The following ROR2 variants were observed in gnomAD, a reference collection of about 807,000 sequenced individuals.
The protein encoded by ROR2 is tyrosine-protein kinase transmembrane receptor ROR2.
ROR2 carries 33 observed loss-of-function variants against 74.9 expected under a neutral mutation model. The observed-to-expected ratio is 0.44, with a 90% confidence interval of 0.33 to 0.59. The LOEUF (loss-of-function observed/expected upper bound fraction) is 0.59, where lower values mean the gene tolerates loss of function less well. ROR2 is among the 20% of genes least tolerant of loss of function. ROR2 has a pLI of 0.02. For synonymous variants in ROR2, 586 were observed against 558.7 expected, an observed-to-expected ratio of 1.05 and a Z score of -0.69; for missense variants, 1,216 against 1,313.8, an observed-to-expected ratio of 0.93 and a Z score of 1.15.
At chr9:91,914,076 G>C (rs1227791591) in intron 1 of ROR2, among the ~76,000 whole-genome samples, 1 of 152,012 alleles carries the variant, frequency 6.6e-6, no homozygotes, top group Non-Finnish European at 1.5e-5. Flanking sequence ...ATCTCATGCT[G>C]TTATTCCCCA....
intron 1 of ROR2, among the ~76,000 whole-genome samples, chr9:91,879,671 C>G (rs1830052344): frequency 6.6e-6 from 1 of 152,064 alleles, no homozygotes; most frequent in South Asian, 2.1e-4. Flanking sequence ...TCTCTTCCTT[C>G]TATATATTAA....
intron 1 of ROR2, among the ~76,000 whole-genome samples, chr9:91,852,825 C>T (rs1046946389): frequency 5.3e-5 from 8 of 152,236 alleles, no homozygotes; most frequent in African/African-American, 1.9e-4. Context: ...CTTCTGAAGA[C>T]TTCTTTCTCC....
At chr9:91,895,301 A>G (rs1357203915) in intron 1 of ROR2, among the ~76,000 whole-genome samples, 4 of 152,222 alleles carry the variant, frequency 2.6e-5, no homozygotes, top group African/African-American at 7.2e-5. Flanking sequence ...GCATTGAAAA[A>G]TATCTGTATG....
At chr9:91,750,395 T>A (rs1351950675) in intron 4 of ROR2, among the ~76,000 whole-genome samples, 1 of 152,234 alleles carries the variant, frequency 6.6e-6, no homozygotes, top group Non-Finnish European at 1.5e-5. Flanking sequence ...ACACATCTTG[T>A]TTTATGTACA....
intron 1 of ROR2, among the ~76,000 whole-genome samples, chr9:91,786,835 A>G (rs1826819757): frequency 6.6e-6 from 1 of 152,202 alleles, no homozygotes; most frequent in Non-Finnish European, 1.5e-5. Context: ...CTATAACTGC[A>G]GTCAACATGA....
intron 1 of ROR2, among the ~76,000 whole-genome samples, chr9:91,789,091 A>C: frequency 6.6e-6 from 1 of 152,144 alleles, no homozygotes; most frequent in East Asian, 1.9e-4. Context: ...TAGCTAGAAG[A>C]GAAGTTTTTT....
At chr9:91,823,513 C>T (rs1277786510) in intron 1 of ROR2, among the ~76,000 whole-genome samples, 2 of 151,476 alleles carry the variant, frequency 1.3e-5, no homozygotes, top group Non-Finnish European at 2.9e-5. Flanking sequence ...TTTTCAAACT[C>T]CTGACCTCAT....
chr9:91,916,493 G>A (rs940499015), intron 1 of ROR2, among the ~76,000 whole-genome samples: 4 of 152,104 alleles, frequency 2.6e-5, no homozygotes, highest in Non-Finnish European at 4.4e-5. Context: ...TTTACCCACA[G>A]AACTCCCTCT....
At chr9:91,817,789 G>A (rs1282973666) in intron 1 of ROR2, among the ~76,000 whole-genome samples, 1 of 152,128 alleles carries the variant, frequency 6.6e-6, no homozygotes, top group Non-Finnish European at 1.5e-5. Context: ...ATTTACTTAG[G>A]GAGTAAAAGC....
intron 1 of ROR2, among the ~76,000 whole-genome samples, chr9:91,856,811 A>G (rs773901053): frequency 6.6e-6 from 1 of 152,228 alleles, no homozygotes; most frequent in African/African-American, 2.4e-5. Flanking sequence ...GCAATTCCCA[A>G]CATGCACTGG....
At chr9:91,730,221 G>A (rs79041539) in intron 7 of ROR2, among the ~76,000 whole-genome samples, 2,877 of 152,256 alleles carry the variant, frequency 0.019, 54 homozygotes, top group Non-Finnish European at 0.025. Flanking sequence ...GGGATTACAG[G>A]TTGTGAGCCA....
At chr9:91,769,507 A>G (rs150229468) in intron 2 of ROR2, among the ~76,000 whole-genome samples, 16 of 152,244 alleles carry the variant, frequency 1.1e-4, no homozygotes, top group Admixed American at 3.3e-4. Context: ...CCTTGGCTAC[A>G]TAACAGCTGA....
chr9:91,814,259 T>C (rs781414974), intron 1 of ROR2, among the ~76,000 whole-genome samples: 7 of 152,178 alleles, frequency 4.6e-5, no homozygotes, highest in Non-Finnish European at 7.4e-5. Flanking sequence ...AAAGAAACCT[T>C]GATCTATTTT....
At chr9:91,946,251 A>G (rs2118096396) in intron 1 of ROR2, among the ~76,000 whole-genome samples, 1 of 152,174 alleles carries the variant, frequency 6.6e-6, no homozygotes, top group Admixed American at 6.5e-5. Flanking sequence ...GAAACCTTAC[A>G]TGCTTGGTAT....
intron 1 of ROR2, among the ~76,000 whole-genome samples, chr9:91,806,772 G>A (rs1256106900): frequency 6.6e-6 from 1 of 152,078 alleles, no homozygotes; most frequent in Admixed American, 6.5e-5. Context: ...TGTATTTTTA[G>A]TAGAGACGGG....
intron 1 of ROR2, among the ~76,000 whole-genome samples, chr9:91,778,265 G>A (rs1826486761): frequency 6.6e-6 from 1 of 152,258 alleles, no homozygotes; most frequent in Non-Finnish European, 1.5e-5. Context: ...ACGTGCTTCT[G>A]CACCTAATGG....
intron 1 of ROR2, among the ~76,000 whole-genome samples, chr9:91,850,877 T>C (rs1213968422): frequency 6.6e-6 from 1 of 152,212 alleles, no homozygotes; most frequent in Non-Finnish European, 1.5e-5. Flanking sequence ...AAGAACGATT[T>C]TCCTACCTCA....
At chr9:91,771,280 CACA>C (rs1826219538) in intron 2 of ROR2, among the ~76,000 whole-genome samples, 1 of 152,224 alleles carries the variant, frequency 6.6e-6, no homozygotes, top group South Asian at 2.1e-4. Context: ...CGGGCGAGCC[CACA>C]TCACCCCGCC....
At chr9:91,914,181 CTCAAG>C (rs1228170257) in intron 1 of ROR2, among the ~76,000 whole-genome samples, 1 of 152,144 alleles carries the variant, frequency 6.6e-6, no homozygotes, top group Non-Finnish European at 1.5e-5. Flanking sequence ...AAGCTAAGAA[CTCAAG>C]TACAAAGGCG....
Sources: allele counts gnomAD v4.1 joint callset (sites outside exome capture counted in the v4.1 genomes callset), GRCh38; gene constraint gnomAD v4.1.1; transcripts MANE v1.5; gene names NCBI Gene and HGNC (gene_info 2026-07-23, HGNC 2026-07-21).